The following SRGAP2 variants were observed in gnomAD, a reference collection of about 807,000 sequenced individuals.
SRGAP2 encodes SLIT-ROBO Rho GTPase activating protein 2.
A neutral mutation model predicts 57.2 loss-of-function variants in SRGAP2; 15 were observed. The ratio of observed to expected loss-of-function variants is 0.26; its 90% CI spans 0.18 to 0.40. SRGAP2 has a LOEUF of 0.40. Among genes scored for constraint, SRGAP2 ranks in the 10% least tolerant of loss-of-function variants. SRGAP2 has a pLI of 1.00. For missense variants in SRGAP2, 520 were observed against 669.6 expected, an observed-to-expected ratio of 0.78 and a Z score of 2.47; for synonymous variants, 249 against 248.0, an observed-to-expected ratio of 1.00 and a Z score of -0.04.
At chr1:206,273,417 A>C (rs1377767637) in intron 2 of SRGAP2, among the ~76,000 whole-genome samples, 2 of 147,174 alleles carry the variant, frequency 1.4e-5, no homozygotes, top group Non-Finnish European at 3.0e-5. Context: ...TATATTTTCT[A>C]TCAGAATTTG....
At chr1:206,383,428 C>T (rs1655894027) in intron 4 of SRGAP2, among the ~76,000 whole-genome samples, 1 of 151,812 alleles carries the variant, frequency 6.6e-6, no homozygotes. Flanking sequence ...TAGTTGGAGA[C>T]CCCTTAACAT....
intron 2 of SRGAP2, among the ~76,000 whole-genome samples, chr1:206,299,679 A>G (rs1469351407): frequency 2.6e-5 from 4 of 151,954 alleles, no homozygotes; most frequent in African/African-American, 7.3e-5. Context: ...TGGATAGAAC[A>G]ACTGTTCTGT....
chr1:206,230,997 TG>T (rs1360880433), intron 2 of SRGAP2, among the ~76,000 whole-genome samples: 2 of 144,666 alleles, frequency 1.4e-5, no homozygotes, highest in African/African-American at 2.7e-5. Flanking sequence ...CAGTATTGTA[TG>T]GGGAGCTCTG....
chr1:206,447,178 C>T (rs562685427), intron 18 of SRGAP2, among the ~76,000 whole-genome samples: 6 of 152,174 alleles, frequency 3.9e-5, no homozygotes, highest in Non-Finnish European at 7.4e-5. Context: ...CCCTTACCTC[C>T]CCCTCCTCCT....
At chr1:206,303,916 ACACT>A (rs1415144987) in intron 3 of SRGAP2, among the ~76,000 whole-genome samples, 17 of 145,248 alleles carry the variant, frequency 1.2e-4, no homozygotes, top group African/African-American at 3.1e-4. Context: ...ACACACACAC[ACACT>A]CACACTCACA....
intron 15 of SRGAP2, chr1:206,437,470 T>G (rs550987195): frequency 1.6e-4 from 29 of 179,354 alleles, no homozygotes; most frequent in Middle Eastern, 2.6e-3. Context: ...TAGTGTCAAT[T>G]TGAGGTTGGC....
At chr1:206,221,265 G>A (rs1666972534) in intron 2 of SRGAP2, among the ~76,000 whole-genome samples, 1 of 150,118 alleles carries the variant, frequency 6.7e-6, no homozygotes, top group Non-Finnish European at 1.5e-5. Flanking sequence ...ATGCTAAGCT[G>A]TGGGCATAGA....
intron 3 of SRGAP2, among the ~76,000 whole-genome samples, chr1:206,327,392 G>A (rs1170520972): frequency 6.7e-6 from 1 of 149,768 alleles, no homozygotes; most frequent in Non-Finnish European, 1.5e-5. Context: ...TATGAAACAA[G>A]TTTATTATAA....
At chr1:206,336,032 T>G (rs566372611) in intron 3 of SRGAP2, among the ~76,000 whole-genome samples, 1 of 151,694 alleles carries the variant, frequency 6.6e-6, no homozygotes, top group Non-Finnish European at 1.5e-5. Flanking sequence ...ATGGTGCTAG[T>G]CCAGTTCTCT....
intron 4 of SRGAP2, among the ~76,000 whole-genome samples, chr1:206,358,559 C>T (rs1375313666): frequency 6.6e-6 from 1 of 151,314 alleles, no homozygotes; most frequent in African/African-American, 2.4e-5. Context: ...TTCCCATGAC[C>T]TTGTTTTTCT....
chr1:206,393,580 C>T lies in SRGAP2; in HGVS notation c.738C>T (p.Ala246=), dbSNP rs201649578. 4 of 778,700 alleles carry T rather than the reference C, an allele frequency of 5.1e-6. No individual in the cohort carries two copies. Among genetic ancestry groups the T allele is most frequent in the Non-Finnish European group, 9.6e-6 (4 of 417,302 alleles). 48.2% of individuals were successfully genotyped at this position (778,700 alleles called of 1,614,324 possible). A position where few individuals can be genotyped will look rare whatever the true frequency, so the allele number is the denominator to read the frequency against. ...AGTACACGGAGAATAAGCTGAAGGC[C>T]ATCAAAGCCCGGAATGAGTACTTGC... is the stretch of plus-strand genomic sequence containing the variant. ...QAKYTENKLK[A]IKARNEYLLA... Residue 246 remains alanine, a synonymous_variant, in exon 7 of 23, where the codon GCC becomes GCT. Transcript: ENST00000573034.
Position 206,397,687 on chromosome 1 carries a change from G to A in SRGAP2, c.832-3734G>A, listed in dbSNP as rs546815758. On this transcript the variant is annotated intron_variant, in intron 7 of 22. Coordinates refer to ENST00000573034, the MANE Select transcript of SRGAP2 (RefSeq NM_015326.5). ...AGCTCATTTGATGGCATCTAAGAAC[G>A]TAGGCTCACTGGAATGTAATTTTCC... Among the ~76,000 whole-genome samples the A allele has an allele frequency of 1.0e-4, 15 of 146,614 alleles. 2 individuals are homozygous for A. The highest frequency in any genetic ancestry group is 4.1e-4 in the African/African-American group (15 of 36,868).
intron 4 of SRGAP2, among the ~76,000 whole-genome samples, chr1:206,358,712 A>G (rs112018390): frequency 0.012 from 1,756 of 151,930 alleles, 38 homozygotes; most frequent in African/African-American, 0.038. Flanking sequence ...TGAAGGAAAA[A>G]AAAAAGTATT....
In SRGAP2 at chr1:206,267,351, G is replaced by A. The variant is rs569337549; in HGVS notation, c.68-35930G>A. Reference sequence around the variant, plus strand: ...GCCGTGGCAAATATCTTTGGCTTTGGGTTGCTATTCTGAGGTGCTGAACTT... The same window carrying A: ...GCCGTGGCAAATATCTTTGGCTTTGAGTTGCTATTCTGAGGTGCTGAACTT... On this transcript the variant is annotated intron_variant, in intron 2 of 22. Coordinates refer to ENST00000573034, the MANE Select transcript of SRGAP2 (RefSeq NM_015326.5). 6.6e-5 allele frequency among the ~76,000 whole-genome samples: 10 copies of A among 151,750 alleles called. No individual in the cohort carries two copies. The South Asian group carries it at 1.9e-3, about 29-fold the overall frequency.
At chr1:206,272,855 C>T (rs1273420509) in intron 2 of SRGAP2, among the ~76,000 whole-genome samples, 5 of 152,238 alleles carry the variant, frequency 3.3e-5, no homozygotes, top group African/African-American at 9.7e-5. Context: ...CTGCCCTCCC[C>T]AAGGCGTGTT....
chr1:206,363,526 T>C (rs1200704756), intron 4 of SRGAP2, among the ~76,000 whole-genome samples: 1 of 152,104 alleles, frequency 6.6e-6, no homozygotes, highest in Non-Finnish European at 1.5e-5. Flanking sequence ...ATTTCACTTG[T>C]TGCCTTGCTA....
At chr1:206,389,440 G>C (rs578223854) in intron 5 of SRGAP2, among the ~76,000 whole-genome samples, 36 of 152,300 alleles carry the variant, frequency 2.4e-4, no homozygotes, top group Admixed American at 1.4e-3. Flanking sequence ...GCCTCCCAAA[G>C]TGCTGGGATT....
chr1:206,457,838 T>G (rs1663962878), intron 21 of SRGAP2, among the ~76,000 whole-genome samples: 1 of 152,156 alleles, frequency 6.6e-6, no homozygotes, highest in Non-Finnish European at 1.5e-5. Context: ...GCCATCCAAA[T>G]CAGAAGTTTC....
intron 21 of SRGAP2, 50 bp downstream of exon 21, chr1:206,455,074 A>G (rs1380511053): frequency 2.6e-6 from 2 of 779,520 alleles, no homozygotes; most frequent in Admixed American, 1.7e-5. Flanking sequence ...TGCAACACCC[A>G]GCCTCACCCT....
Sources: allele counts gnomAD v4.1 joint callset (sites outside exome capture counted in the v4.1 genomes callset), GRCh38; gene constraint gnomAD v4.1.1; transcripts MANE v1.5; gene names NCBI Gene and HGNC (gene_info 2026-07-23, HGNC 2026-07-21).